The following DUOX2 variants were observed in gnomAD, a reference collection of about 807,000 sequenced individuals.
DUOX2 encodes the protein dual oxidase 2.
A neutral mutation model predicts 183.3 loss-of-function variants in DUOX2; 185 were observed. The ratio of observed to expected loss-of-function variants is 1.01; its 90% CI spans 0.90 to 1.14. The LOEUF is 1.14. Among genes scored for constraint, DUOX2 ranks in the 50% most tolerant of loss-of-function variants. DUOX2 has a pLI of 0.00. For synonymous variants in DUOX2, 788 were observed against 812.4 expected (o/e 0.97, Z 0.51); for missense variants, 1,999 against 2,022.9 (o/e 0.99, Z 0.23).
chr15:45,094,365 T>G, intron 33 of DUOX2, 93 bp from the exon 34 acceptor site: 1 of 1,592,752 alleles, frequency 6.3e-7, no homozygotes. Context: ...CTGGAATGAC[T>G]AAGGCTTCAA....
chr15:45,093,987 TAATTGTCTGGGTCAATATTCTCCC>T lies in DUOX2; in HGVS notation c.*139_*162del. 2 of 888,408 alleles carry T rather than the reference TAATTGTCTGGGTCAATATTCTCCC, an allele frequency of 2.3e-6. No individual in the cohort carries two copies. The highest frequency in any genetic ancestry group is 3.6e-6 in the Non-Finnish European group (2 of 557,744). The allele number at this position is 888,408 out of a possible 1,614,324, so 55.0% of individuals were successfully genotyped here. A position where few individuals can be genotyped will look rare whatever the true frequency, so the allele number is the denominator to read the frequency against. The stretch of plus-strand genomic sequence containing the variant: ...AGTCTCCTGCCTTTTCTCATTTGTA[TAATTGTCTGGGTCAATATTCTCCC>T]AATATTGGGAGGGGCTCTGCAGCCC... On this transcript the variant is annotated 3_prime_UTR_variant, in exon 34 of 34. Transcript: ENST00000389039.
At chr15:45,104,695 T>C (rs949825227) in intron 18 of DUOX2, among the ~76,000 whole-genome samples, 2 of 152,162 alleles carry the variant, frequency 1.3e-5, no homozygotes, top group Non-Finnish European at 2.9e-5. Context: ...TGTAGAGACA[T>C]GGTGGTAGAC....
At chr15:45,112,742 C>T (rs1192968156) in intron 3 of DUOX2, 24 bp from the exon 4 acceptor site, 1 of 1,609,604 alleles carries the variant, frequency 6.2e-7, no homozygotes, top group Non-Finnish European at 8.5e-7. Context: ...GAGCGGGGCT[C>T]TGTCTAAGCA....
chr15:45,099,920 T>A, intron 24 of DUOX2, 28 bp from the exon 25 acceptor site: 1 of 1,613,506 alleles, frequency 6.2e-7, no homozygotes, highest in East Asian at 2.2e-5. Flanking sequence ...TTACATCAGC[T>A]TGGCACAGGT....
rs1044695236 is a variant in DUOX2, at chr15:45,108,132, C to T, written c.1489G>A (p.Gly497Arg). ...GGLLESHGDP[G>R]PLFSAIVLDQ... ...AGGACAATGGCACTGAACAGGGGTCCAGGGTCCCCATGGCTCTCCAGGAGC... is the reference window on the plus strand; with the variant it reads ...AGGACAATGGCACTGAACAGGGGTCTAGGGTCCCCATGGCTCTCCAGGAGC... The change falls in exon 13 of 34, where the codon GGA (glycine) becomes AGA (arginine). Residue 497 changes from glycine (G) to arginine (R), a missense_variant. Around this residue, in one of 3 missense-constraint regions of DUOX2, gnomAD observed 1,628 missense variants for 1,608.6 expected, o/e 1.01. Transcript: ENST00000389039. 6.2e-7 allele frequency: 1 copy of T among 1,614,130 alleles called. No individual in the cohort carries two copies. Among genetic ancestry groups the T allele is most frequent in the African/African-American group, 1.3e-5 (1 of 75,034 alleles).
intron 9 of DUOX2, among the ~76,000 whole-genome samples, 182 bp from the exon 10 acceptor site, chr15:45,110,162 G>A (rs1037603779): frequency 2.6e-5 from 4 of 152,128 alleles, no homozygotes; most frequent in Non-Finnish European, 5.9e-5. Context: ...CCTAGTCCAG[G>A]TAGGGTGGGG....
In DUOX2 at chr15:45,101,224, T is replaced by C. The variant is rs761813221; in HGVS notation, c.2902A>G (p.Thr968Ala). 6.2e-7 allele frequency: 1 copy of C among 1,613,712 alleles called. No homozygotes were observed. The highest frequency in any genetic ancestry group is 1.7e-5 in the Admixed American group (1 of 59,980). Reference protein sequence around the residue: ...QNISCRVSFITRTPGERSHPQ... With the variant: ...QNISCRVSFIARTPGERSHPQ... The stretch of plus-strand genomic sequence containing the variant: ...GCTCACCGCTCCCCAGGTGTCCGAG[T>C]GATGAACGAGACTCGACAGCTGATG... The change falls in exon 22 of 34, where the codon ACT (threonine) becomes GCT (alanine). Residue 968 changes from threonine (T) to alanine (A), a missense_variant. Physicochemically the swap from Thr to Ala is moderately conservative, Grantham distance 58. Coordinates refer to ENST00000389039, the MANE Select transcript of DUOX2 (RefSeq NM_001363711.2).
rs757361124 is a variant in DUOX2, at chr15:45,112,004, TC to T, written c.326-50del. On this transcript the variant is annotated intron_variant, in intron 4 of 33. Transcript: ENST00000389039. The stretch of plus-strand genomic sequence containing the variant: ...GTGACAAACCGTCCGTATTGCGCCC[TC>T]CCCACGGCCAGGGCGGCCTCCAAGT... 1.9e-6 allele frequency: 3 copies of T among 1,599,702 alleles called. No homozygotes were observed. In the South Asian group the frequency reaches 3.4e-5, roughly 18 times the overall value.
chr15:45,112,843 TGG>T (rs1337251581), intron 3 of DUOX2, 125 bp from the exon 4 acceptor site: 1 of 1,555,694 alleles, frequency 6.4e-7, no homozygotes, highest in Non-Finnish European at 8.8e-7. Flanking sequence ...AAGGGTCTCT[TGG>T]CCCCGGGAGC....
rs1457240069 is a variant in DUOX2 at position 45,101,857 on chromosome 15, C to T, written c.2787G>A (p.Arg929=). The change falls in exon 21 of 34, where the codon CGG becomes CGA. Residue 929 remains arginine, a synonymous_variant. Coordinates refer to ENST00000389039, the MANE Select transcript of DUOX2 (RefSeq NM_001363711.2). The part of the protein sequence containing the change: ...LTWEDFHFML[R]DHDSELRFTQ... ...TGAAGCGGAGCTCGCTGTCATGGTC[C>T]CGCAGCATGAAGTGAAAATCCTCCC... is the stretch of plus-strand genomic sequence containing the variant. 1 of 1,614,230 alleles carries T rather than the reference C, an allele frequency of 6.2e-7. No homozygotes were observed. Among genetic ancestry groups the T allele is most frequent in the East Asian group, 2.2e-5 (1 of 44,888 alleles).
rs1257336707 is a variant in DUOX2, at chr15:45,107,868, A to G, written c.1574+179T>C. ...TCTGCCTCAAAAAAAAAAAAAAAAA[A>G]AAAAGAAAAAGAAAAAGAAAAAGAG... On this transcript the variant is annotated intron_variant, in intron 13 of 33. Transcript: ENST00000389039. Among the ~76,000 whole-genome samples, 130 of 13,536 alleles carry G rather than the reference A, an allele frequency of 9.6e-3. 1 individual carries two copies. Among genetic ancestry groups the G allele is most frequent in the African/African-American group, 0.027 (123 of 4,536 alleles). 8.9% of individuals were successfully genotyped at this position (13,536 alleles called of 152,430 possible). A position where few individuals can be genotyped will look rare whatever the true frequency, so the allele number is the denominator to read the frequency against.
intron 16 of DUOX2, 32 bp from the exon 17 acceptor site, chr15:45,106,359 A>T (rs1233757600): frequency 6.2e-7 from 1 of 1,612,462 alleles, no homozygotes. Context: ...CGGGTAGTTC[A>T]GCAGATGTCC....
intron 29 of DUOX2, 111 bp from the exon 30 acceptor site, chr15:45,096,171 T>C: frequency 1.1e-6 from 1 of 943,990 alleles, no homozygotes; most frequent in Non-Finnish European, 1.7e-6. Context: ...AGTAGTCACA[T>C]GGTCTGAGCA....
chr15:45,104,907 G>A (rs1382817306), intron 18 of DUOX2, among the ~76,000 whole-genome samples: 1 of 152,082 alleles, frequency 6.6e-6, no homozygotes, highest in Non-Finnish European at 1.5e-5. Context: ...TGCAACCTCC[G>A]CCACCCGGGT....
At chr15:45,107,219 C>T in intron 14 of DUOX2, 126 bp downstream of exon 14, 1 of 1,337,036 alleles carries the variant, frequency 7.5e-7, no homozygotes, top group South Asian at 1.2e-5. Flanking sequence ...CAGCCAAATG[C>T]AGGCCTCCTA....
rs778605058 is a variant in DUOX2, at chr15:45,109,677, C to G, written c.1132-51G>C. Reference sequence around the variant, plus strand: ...TAGGCCTCTACCCAAAACTCGGTCTCTCTCAGCCTGGACCACTTTAGTACC... The same window carrying G: ...TAGGCCTCTACCCAAAACTCGGTCTGTCTCAGCCTGGACCACTTTAGTACC... On this transcript the variant is annotated intron_variant, in intron 10 of 33. Transcript: ENST00000389039. 5.0e-6 allele frequency: 8 copies of G among 1,590,436 alleles called. No individual in the cohort carries two copies. The Admixed American group carries it at 1.2e-4, about 23-fold the overall frequency.
chr15:45,096,006 T>G lies in DUOX2; in HGVS notation c.3902A>C (p.Gln1301Pro), dbSNP rs1465612002. ...AGCCAGGCAGGCGATCCGCACCCAC[T>G]GTCCTGACTTGTACTCAAAGCCTTG... Reference protein sequence around the residue: ...RPQGFEYKSGQWVRIACLALG... With the variant: ...RPQGFEYKSGPWVRIACLALG... Residue 1301 changes from glutamine to proline, a missense_variant, in exon 30 of 34, where the codon CAG becomes CCG. Physicochemically the swap from Gln to Pro is moderately conservative, Grantham distance 76 (BLOSUM62 -1). This residue lies in a region of DUOX2 where 1,628 missense variants were observed against 1,608.6 expected (regional missense o/e 1.01). Coordinates refer to ENST00000389039, the MANE Select transcript of DUOX2 (RefSeq NM_001363711.2). 1 of 1,614,056 alleles carries G rather than the reference T, an allele frequency of 6.2e-7. No individual in the cohort carries two copies. Among genetic ancestry groups the G allele is most frequent in the East Asian group, 2.2e-5 (1 of 44,876 alleles).
Position 45,104,318 on chromosome 15 carries a change from G to A in DUOX2, c.2382C>T (p.Ser794=), listed in dbSNP as rs773547229. 7 of 1,614,050 alleles carry A rather than the reference G, an allele frequency of 4.3e-6. No individual in the cohort carries two copies. The highest frequency in any genetic ancestry group is 4.2e-6 in the Non-Finnish European group (5 of 1,179,996). ...TCAGGGCCTCCCGCACCTTCTGGGA[G>A]GAGTCCAGGGGCAGGGTCCCTGCGT... ...QADAGTLPLD[S]SQKVREALTC... is the part of the protein sequence containing the mutation. The change falls in exon 19 of 34, where the codon TCC becomes TCT. Residue 794 remains serine, a synonymous_variant. Transcript: ENST00000389039.
chr15:45,095,141 A>G (rs770180655), intron 31 of DUOX2, 50 bp from the exon 32 acceptor site: 1 of 1,589,028 alleles, frequency 6.3e-7, no homozygotes, highest in South Asian at 1.1e-5. Context: ...CAGCCTCCCT[A>G]GATCCCAGGT....
Sources: gnomAD v4.1 joint callset for allele counts (sites outside exome capture counted in the v4.1 genomes callset) on GRCh38, gnomAD v4.1.1 for gene constraint, gnomAD v4.1.1 regional missense constraint, MANE v1.5 for transcripts, NCBI Gene and HGNC (gene_info 2026-07-23, HGNC 2026-07-21) for gene names.